DGKD: variants seen among roughly 807,000 people sequenced by gnomAD.
DGKD encodes DAG kinase delta.
A neutral mutation model predicts 154.4 loss-of-function variants in DGKD; 68 were observed. That is an observed-to-expected ratio of 0.44 (90% CI 0.36 to 0.54). The LOEUF (loss-of-function observed/expected upper bound fraction) is 0.54. Ranked by LOEUF, DGKD falls within the 20% of genes least tolerant of loss-of-function variation. The probability of loss-of-function intolerance (pLI) is 0.00; values close to 1 mark genes in which losing one functional copy is unlikely to be tolerated. For missense variants in DGKD, 1,343 were observed against 1,593.6 expected (o/e 0.84, Z 2.68); for synonymous variants, 693 against 638.0 (o/e 1.09, Z -1.30).
chr2:233,387,696 C>T (rs550431364), intron 1 of DGKD, among the ~76,000 whole-genome samples: 26 of 152,118 alleles, frequency 1.7e-4, no homozygotes, highest in Non-Finnish European at 2.9e-4. Context: ...TGTCTGTGGC[C>T]GAGGCACTTT....
At chr2:233,467,265 C>G in intron 28 of DGKD, 62 bp downstream of exon 28, 2 of 1,196,470 alleles carry the variant, frequency 1.7e-6, no homozygotes, top group East Asian at 2.3e-5. Flanking sequence ...GGCCCCGTTC[C>G]CCTGGTCTCT....
intron 10 of DGKD, among the ~76,000 whole-genome samples, chr2:233,444,794 G>T (rs1367524643): frequency 6.6e-6 from 1 of 151,538 alleles, no homozygotes; most frequent in Non-Finnish European, 1.5e-5. Context: ...CACCTGGTGG[G>T]CAGAGGGCTG....
rs769947542 is a variant in DGKD, at chr2:233,442,003, G to C, written c.1194+8G>C. 2 of 1,613,428 alleles carry C rather than the reference G, an allele frequency of 1.2e-6. No individual in the cohort carries two copies. Among genetic ancestry groups the C allele is most frequent in the Non-Finnish European group, 1.7e-6 (2 of 1,179,320 alleles). ...CTCAACCTTCATAAACAGGTACCAG[G>C]ACAGGAGGGAGCCCAGCCAGGAGCA... On this transcript the variant is annotated splice_region_variant and intron_variant, in intron 10 of 29. Coordinates refer to ENST00000264057, the MANE Select transcript of DGKD (RefSeq NM_152879.3).
intron 1 of DGKD, among the ~76,000 whole-genome samples, chr2:233,384,363 C>T (rs1297314765): frequency 6.6e-6 from 1 of 152,118 alleles, no homozygotes; most frequent in Non-Finnish European, 1.5e-5. Context: ...GCTTTCCTTC[C>T]TTGGTATTGG....
At position 233,468,418 on chromosome 2, in the gene DGKD, G is replaced by A. The variant is rs768262143; in HGVS notation, c.3425-5G>A. 40 of 1,612,594 alleles carry A rather than the reference G, an allele frequency of 2.5e-5. 1 individual carries two copies. The highest frequency in any genetic ancestry group is 1.8e-4 in the South Asian group (16 of 90,902). On this transcript the variant is annotated splice_polypyrimidine_tract_variant and splice_region_variant and intron_variant, in intron 28 of 29. Coordinates refer to ENST00000264057, the MANE Select transcript of DGKD (RefSeq NM_152879.3). ...ACTGCACTCGTGCTTTTCCATCTCC[G>A]ACAGTTCACCTCTGGGGGACAGAGG...
chr2:233,380,679 T>TGTG (rs1553622706), intron 1 of DGKD, among the ~76,000 whole-genome samples: 5 of 151,550 alleles, frequency 3.3e-5, no homozygotes, highest in African/African-American at 9.7e-5. Context: ...TGTGTGTGTG[T>TGTG]GGGGGGGTGT....
At chr2:233,423,112 A>C (rs1486706033) in intron 3 of DGKD, among the ~76,000 whole-genome samples, 2 of 149,306 alleles carry the variant, frequency 1.3e-5, no homozygotes, top group Non-Finnish European at 3.0e-5. Context: ...TTTATTACTG[A>C]GTAGTATTCC....
Position 233,437,443 on chromosome 2 carries a change from A to G in DGKD, c.886A>G (p.Ile296Val). 6.2e-7 allele frequency: 1 copy of G among 1,614,222 alleles called. No homozygotes were observed. The highest frequency in any genetic ancestry group is 8.5e-7 in the Non-Finnish European group (1 of 1,180,044). The change falls in exon 8 of 30, where the codon ATC becomes GTC. Residue 296 changes from isoleucine to valine, a missense_variant. Physicochemically the swap from Ile to Val is conservative, Grantham distance 29. Coordinates refer to ENST00000264057, the MANE Select transcript of DGKD (RefSeq NM_152879.3). ...ACTTGGCCTGTGCAAAGTGTCAGTC[A>G]TCCCACCCACGGCTCTCAACAGCAT... is the stretch of plus-strand genomic sequence containing the variant. ...CPLGLCKVSV[I>V]PPTALNSIDS...
chr2:233,361,534 A>G (rs560221186), intron 1 of DGKD, among the ~76,000 whole-genome samples: 2 of 152,306 alleles, frequency 1.3e-5, no homozygotes, highest in East Asian at 1.9e-4. Flanking sequence ...ACAGACCCAC[A>G]GGGCTTCCAG....
At chr2:233,398,293 C>A (rs2061473195) in intron 3 of DGKD, among the ~76,000 whole-genome samples, 1 of 151,848 alleles carries the variant, frequency 6.6e-6, no homozygotes, top group Non-Finnish European at 1.5e-5. Context: ...CAGGTGCCGC[C>A]ACCACGCCCG....
chr2:233,429,761 T>C (rs907986586), intron 3 of DGKD, among the ~76,000 whole-genome samples: 10 of 152,254 alleles, frequency 6.6e-5, no homozygotes, highest in Non-Finnish European at 1.5e-4. Context: ...CCTCCGGGCC[T>C]GCCTTTGCCG....
chr2:233,364,290 G>A (rs755372848), intron 1 of DGKD, among the ~76,000 whole-genome samples: 3 of 152,190 alleles, frequency 2.0e-5, no homozygotes, highest in African/African-American at 7.2e-5. Flanking sequence ...TTTGCCAGCA[G>A]ACCCACACTA....
chr2:233,466,190 G>C (rs1250068068), intron 27 of DGKD, among the ~76,000 whole-genome samples: 1 of 151,114 alleles, frequency 6.6e-6, no homozygotes, highest in South Asian at 2.1e-4. Flanking sequence ...CCAATAGGTG[G>C]TTTTTGTAAA....
rs1323181208 is a variant in DGKD at position 233,469,687 on chromosome 2, A to C, written c.*227A>C. The C allele has an allele frequency of 1.8e-5, 10 of 547,598 alleles. No individual in the cohort carries two copies. The highest frequency in any genetic ancestry group is 2.9e-5 in the Non-Finnish European group (9 of 305,530). The allele number at this position is 547,598 out of a possible 1,614,324, so 33.9% of individuals were successfully genotyped here. A position where few individuals can be genotyped will look rare whatever the true frequency, so the allele number is the denominator to read the frequency against. On this transcript the variant is annotated 3_prime_UTR_variant, in exon 30 of 30. Transcript: ENST00000264057. ...ATAACAACACAGCTACCTTTGAAACAACACTTTCTCCAGCTCAGAGTCACC... is the reference window on the plus strand; with the variant it reads ...ATAACAACACAGCTACCTTTGAAACCACACTTTCTCCAGCTCAGAGTCACC...
chr2:233,438,183 CT>C lies in DGKD; in HGVS notation c.923-33del, dbSNP rs777670662. 1 of 1,608,728 alleles carries C rather than the reference CT, an allele frequency of 6.2e-7. No homozygotes were observed. The highest frequency in any genetic ancestry group is 1.1e-5 in the South Asian group (1 of 90,658). ...TGGTGCCCTCAGCGTCTTCCGTGGC[CT>C]ATATATTTTCTTCTGTTCGTTCTTG... On this transcript the variant is annotated intron_variant, in intron 8 of 29. Transcript: ENST00000264057. This position sits in a 1 kb window ranked among gnomAD's most constrained non-coding sequence, Gnocchi z 4.1.
At position 233,363,136 on chromosome 2, in the gene DGKD, G is replaced by A. The variant is rs149102315; in HGVS notation, c.156+8462G>A. ...CAAATTGTAAAACAGCCTCAAGCAG[G>A]TCCTTCAGGAGGTATCCAGAAGAAG... On this transcript the variant is annotated intron_variant, in intron 1 of 29. Transcript: ENST00000264057. Among the ~76,000 whole-genome samples the A allele has an allele frequency of 3.3e-3, 510 of 152,256 alleles. 4 individuals carry two copies. Among genetic ancestry groups the A allele is most frequent in the African/African-American group, 0.012 (480 of 41,542 alleles).
rs182758737 is a variant in DGKD at position 233,463,732 on chromosome 2, G to A, written c.3187-432G>A. 130 of 221,792 alleles carry A rather than the reference G, an allele frequency of 5.9e-4. 1 individual carries two copies. The highest frequency in any genetic ancestry group is 6.4e-4 in the Non-Finnish European group (69 of 107,988). The allele number at this position is 221,792 out of a possible 1,614,324, so 13.7% of individuals were successfully genotyped here. ...CACTCCACAGAAATCCTCACTCTACGCATCTCCTTATCCCATGCCTCCCCT... is the reference window on the plus strand; with the variant it reads ...CACTCCACAGAAATCCTCACTCTACACATCTCCTTATCCCATGCCTCCCCT... On this transcript the variant is annotated intron_variant, in intron 26 of 29. Coordinates refer to ENST00000264057, the MANE Select transcript of DGKD (RefSeq NM_152879.3).
At chr2:233,435,736 G>T (rs2062669415) in intron 5 of DGKD, 82 bp from the exon 6 acceptor site, 1 of 1,321,642 alleles carries the variant, frequency 7.6e-7, no homozygotes, top group Non-Finnish European at 1.0e-6. Flanking sequence ...TCTGGAGCTG[G>T]ACGGTTCTCA....
chr2:233,386,229 TG>T, intron 1 of DGKD: 1 of 330,392 alleles, frequency 3.0e-6, no homozygotes, highest in Non-Finnish European at 6.0e-6. Context: ...GGAAGATGAA[TG>T]GGGGGCCAGG....
Sources: gnomAD v4.1 joint callset for allele counts (sites outside exome capture counted in the v4.1 genomes callset) on GRCh38, gnomAD v4.1.1 for gene constraint, Gnocchi (gnomAD v3.1) non-coding constraint, MANE v1.5 for transcripts, NCBI Gene and HGNC (gene_info 2026-07-23, HGNC 2026-07-21) for gene names.